The following ZNF3 variants were observed in gnomAD, a reference collection of about 807,000 sequenced individuals.
ZNF3 encodes the protein C2-H2 type zinc finger protein.
Under a neutral mutation model 36.9 loss-of-function variants are expected in ZNF3, and 16 were observed. The observed-to-expected ratio is 0.43, with a 90% confidence interval of 0.29 to 0.66. ZNF3 has a LOEUF of 0.66. ZNF3 is among the 30% of genes least tolerant of loss of function. The pLI, the probability that ZNF3 is intolerant of heterozygous loss-of-function variation, is 0.13. For synonymous variants in ZNF3, 201 were observed against 201.9 expected (o/e 1.00, Z 0.04); for missense variants, 462 against 543.1 (o/e 0.85, Z 1.48).
intron 2 of ZNF3, 127 bp from the exon 3 acceptor site, chr7:100,077,560 C>G: frequency 1.3e-6 from 1 of 744,030 alleles, no homozygotes; most frequent in Non-Finnish European, 2.0e-6. Flanking sequence ...TGGGACTAGT[C>G]TTTTATTTTC....
Position 100,071,036 on chromosome 7 carries a change from GAA to G in ZNF3, c.*105_*106del, listed in dbSNP as rs1793044697. The G allele has an allele frequency of 1.1e-5, 17 of 1,495,042 alleles. 1 individual carries two copies. The South Asian group carries it at 2.4e-4, about 22-fold the overall frequency. 92.6% of individuals were successfully genotyped at this position (1,495,042 alleles called of 1,614,324 possible). A position where few individuals can be genotyped will look rare whatever the true frequency, so the allele number is the denominator to read the frequency against. On this transcript the variant is annotated 3_prime_UTR_variant, in exon 6 of 6. Coordinates refer to ENST00000299667, the MANE Select transcript of ZNF3 (RefSeq NM_032924.5). The stretch of plus-strand genomic sequence containing the variant: ...CCCCATCTGCCCCATTCTCTAAAAT[GAA>G]AAGTCTGAGTTGAAAGGGACACATC...
chr7:100,068,501 G>A (rs959280640), downstream of ZNF3, among the ~76,000 whole-genome samples: 1 of 151,716 alleles, frequency 6.6e-6, no homozygotes, highest in South Asian at 2.1e-4. Context: ...GTGAAATCCC[G>A]TTGTCTATTA....
chr7:100,064,710 G>A (rs1792549816), exon 6 of ZNF3: 2 of 1,608,716 alleles, frequency 1.2e-6, no homozygotes, highest in Non-Finnish European at 1.7e-6. Context: ...CGATTCCGGT[G>A]ATAGAGTTTG....
At position 100,075,253 on chromosome 7, in the gene ZNF3, T is replaced by G. The variant is rs1793885430; in HGVS notation, c.153A>C (p.Val51=). ...AGTACACAGCTACATCCTCAAAGGT[T>G]ACCAGCTCCTGAAACAACACGTGCT... The part of the protein sequence containing the change: ...ALLKAKSQEL[V]TFEDVAVYFI... Residue 51 remains valine (V), a synonymous_variant, in exon 5 of 6, where the codon GTA becomes GTC. Coordinates refer to ENST00000299667, the MANE Select transcript of ZNF3 (RefSeq NM_032924.5). 6.2e-7 allele frequency: 1 copy of G among 1,614,102 alleles called. No homozygotes were observed. The highest frequency in any genetic ancestry group is 1.3e-5 in the African/African-American group (1 of 75,034).
intron 5 of ZNF3, chr7:100,064,955 A>G: frequency 6.2e-7 from 1 of 1,605,164 alleles, no homozygotes; most frequent in Non-Finnish European, 8.5e-7. Flanking sequence ...TTTTTAACAT[A>G]TATTCAAGAA....
chr7:100,063,857 A>G, downstream of ZNF3: 1 of 1,614,144 alleles, frequency 6.2e-7, no homozygotes. Flanking sequence ...GAGGGGCTCA[A>G]AGGGGATATA....
chr7:100,069,741 G>C (rs1792851846), downstream of ZNF3, among the ~76,000 whole-genome samples: 1 of 152,076 alleles, frequency 6.6e-6, no homozygotes, highest in South Asian at 2.1e-4. Context: ...AGCCTCCTGA[G>C]TAGCTAGGAT....
chr7:100,064,770 A>G (rs766342980), exon 6 of ZNF3: 2 of 1,614,130 alleles, frequency 1.2e-6, no homozygotes, highest in Non-Finnish European at 8.5e-7. Flanking sequence ...CCACAGCAAC[A>G]TGGCAGGCAG....
chr7:100,068,432 C>T (rs371384400), downstream of ZNF3, among the ~76,000 whole-genome samples: 90 of 151,852 alleles, frequency 5.9e-4, no homozygotes, highest in African/African-American at 2.0e-3. Flanking sequence ...CCAGCACTTT[C>T]GGAGGCCGAG....
At chr7:100,074,302 T>C (rs1793707400) in intron 5 of ZNF3, among the ~76,000 whole-genome samples, 1 of 152,152 alleles carries the variant, frequency 6.6e-6, no homozygotes, top group Admixed American at 6.6e-5. Flanking sequence ...TGAGACAGGG[T>C]CTGTGTCACC....
At chr7:100,073,424 C>T (rs1362673591) in intron 5 of ZNF3, among the ~76,000 whole-genome samples, 2 of 152,166 alleles carry the variant, frequency 1.3e-5, no homozygotes, top group East Asian at 1.9e-4. Context: ...TCTTGGCTAA[C>T]TGCAACCTCC....
At chr7:100,069,496 G>A (rs1211092972), downstream of ZNF3, among the ~76,000 whole-genome samples, 2 of 147,632 alleles carry the variant, frequency 1.4e-5, no homozygotes, top group Non-Finnish European at 3.0e-5. Flanking sequence ...AGGCAGCAGT[G>A]AGCCAAGATG....
At chr7:100,069,088 A>G (rs1792795793), downstream of ZNF3, among the ~76,000 whole-genome samples, 1 of 152,032 alleles carries the variant, frequency 6.6e-6, no homozygotes, top group Non-Finnish European at 1.5e-5. Flanking sequence ...TCGGCCTCCC[A>G]AAGTGCTAGG....
rs895460233 is a variant in ZNF3 at position 100,070,359 on chromosome 7, T to C, written c.*784A>G. 2.1e-5 allele frequency: 21 copies of C among 985,456 alleles called. No homozygotes were observed. The highest frequency in any genetic ancestry group is 9.4e-5 in the South Asian group (2 of 21,284). 61.0% of individuals were successfully genotyped at this position (985,456 alleles called of 1,614,324 possible). ...CATTTAGAGAAAATCATTTTCATCA[T>C]TGGAGTGGGAAGAGGACAAGAGAGG... is the stretch of plus-strand genomic sequence containing the variant. On this transcript the variant is annotated 3_prime_UTR_variant, in exon 6 of 6. Coordinates refer to ENST00000299667, the MANE Select transcript of ZNF3 (RefSeq NM_032924.5).
downstream of ZNF3, among the ~76,000 whole-genome samples, chr7:100,067,191 A>C (rs1016605910): frequency 6.6e-6 from 1 of 152,202 alleles, no homozygotes; most frequent in Non-Finnish European, 1.5e-5. Context: ...AGAATCTCCT[A>C]CTATTAACCC....
intron 3 of ZNF3, chr7:100,077,066 A>G (rs868836968): frequency 3.8e-5 from 17 of 451,636 alleles, no homozygotes; most frequent in African/African-American, 2.6e-4. Context: ...GCAAGACTCC[A>G]TCTCAAAAAA....
chr7:100,075,553 C>G lies in ZNF3; in HGVS notation c.133G>C (p.Ala45Pro). The change falls in exon 4 of 6, where the codon GCC (alanine) becomes CCC (proline). Residue 45 changes from alanine (A) to proline (P), a missense_variant. By Grantham distance (27) the Ala-to-Pro change is conservative (BLOSUM62 -1). Transcript: ENST00000299667. Reference sequence around the variant, plus strand: ...GAACCACAGCTCACCTGGGACTTGGCCTTTAGGAGCGCAGCCGCCAACATC... The same window carrying G: ...GAACCACAGCTCACCTGGGACTTGGGCTTTAGGAGCGCAGCCGCCAACATC... ...DEMLAAALLK[A>P]KSQELVTFED... The G allele has an allele frequency of 6.2e-7, 1 of 1,614,120 alleles. No individual in the cohort carries two copies. Among genetic ancestry groups the G allele is most frequent in the Non-Finnish European group, 8.5e-7 (1 of 1,180,006 alleles).
At chr7:100,064,764 A>G in exon 6 of ZNF3, 1 of 1,614,180 alleles carries the variant, frequency 6.2e-7, no homozygotes, top group Non-Finnish European at 8.5e-7. Flanking sequence ...CGAGCTCCAC[A>G]GCAACATGGC....
Position 100,077,319 on chromosome 7 carries a change from C to G in ZNF3, c.39G>C (p.Gln13His). 6 of 1,613,906 alleles carry G rather than the reference C, an allele frequency of 3.7e-6. No individual in the cohort carries two copies. The highest frequency in any genetic ancestry group is 5.1e-6 in the Non-Finnish European group (6 of 1,179,984). Reference protein sequence around the residue: ...TQADLVSQEPQALLDSALPSK... With the variant: ...TQADLVSQEPHALLDSALPSK... ...ATTCCTCACCACTGTCAAGCAGGGC[C>G]TGAGGTTCCTGAGATACGAGATCAG... The change falls in exon 3 of 6, where the codon CAG (glutamine) becomes CAC (histidine). Residue 13 changes from glutamine to histidine, a missense_variant. By Grantham distance (24) the Gln-to-His change is conservative. Coordinates refer to ENST00000299667, the MANE Select transcript of ZNF3 (RefSeq NM_032924.5).
Sources: gnomAD v4.1 joint callset for allele counts (sites outside exome capture counted in the v4.1 genomes callset) on GRCh38, gnomAD v4.1.1 for gene constraint, MANE v1.5 for transcripts, NCBI Gene and HGNC (gene_info 2026-07-23, HGNC 2026-07-21) for gene names.